NTNG1: variants seen among roughly 807,000 people sequenced by gnomAD.
NTNG1 encodes the protein netrin G1.
In NTNG1, 16 loss-of-function variants were observed where a neutral mutation model predicts 54.0. That is an observed-to-expected ratio of 0.30 (90% confidence interval 0.20 to 0.45). NTNG1 has a LOEUF of 0.45. Among genes scored for constraint, NTNG1 ranks in the 20% least tolerant of loss-of-function variants. The pLI, the probability that NTNG1 is intolerant of heterozygous loss-of-function variation, is 1.00. For synonymous variants in NTNG1, 255 were observed against 263.1 expected (o/e 0.97, Z 0.30); for missense variants, 530 against 678.7 (o/e 0.78, Z 2.43).
intron 2 of NTNG1, among the ~76,000 whole-genome samples, chr1:107,251,408 A>C (rs554196999): frequency 6.6e-6 from 1 of 152,198 alleles, no homozygotes; most frequent in South Asian, 2.1e-4. Flanking sequence ...TTTGGCTTTT[A>C]AACTTTTTTT....
intron 3 of NTNG1, among the ~76,000 whole-genome samples, chr1:107,382,189 G>A (rs1335665979): frequency 1.3e-5 from 2 of 152,162 alleles, no homozygotes; most frequent in Non-Finnish European, 2.9e-5. Context: ...AGGTATTGGG[G>A]TGTGCAAAAG....
chr1:107,457,358 A>G (rs1677012207), intron 7 of NTNG1, among the ~76,000 whole-genome samples: 1 of 152,256 alleles, frequency 6.6e-6, no homozygotes, highest in African/African-American at 2.4e-5. Context: ...GCAATGCATT[A>G]GAATTCCATT....
At chr1:107,216,680 T>C (rs951408244) in intron 2 of NTNG1, among the ~76,000 whole-genome samples, 1 of 151,808 alleles carries the variant, frequency 6.6e-6, no homozygotes, top group Non-Finnish European at 1.5e-5. Context: ...TTAAGGAGGA[T>C]TCCCTCTTTT....
In NTNG1 at chr1:107,480,876, G is replaced by A. The variant is rs751736579; in HGVS notation, c.*36G>A. ...CAGCCACACCGGACGGGCCTGTGCC[G>A]TGGGGAAGCAGACACAACCCAAACA... On this transcript the variant is annotated 3_prime_UTR_variant, in exon 8 of 8. Coordinates refer to ENST00000370068, the MANE Select transcript of NTNG1 (RefSeq NM_001113226.3). 472 of 1,487,242 alleles carry A rather than the reference G, an allele frequency of 3.2e-4. No individual in the cohort carries two copies. The highest frequency in any genetic ancestry group is 4.2e-4 in the Non-Finnish European group (460 of 1,092,392). 92.1% of individuals were successfully genotyped at this position (1,487,242 alleles called of 1,614,324 possible). A position where few individuals can be genotyped will look rare whatever the true frequency, so the allele number is the denominator to read the frequency against.
intron 2 of NTNG1, among the ~76,000 whole-genome samples, chr1:107,301,319 G>A (rs1040153484): frequency 6.8e-5 from 10 of 147,988 alleles, no homozygotes; most frequent in Non-Finnish European, 1.5e-4. Flanking sequence ...TACTATAGGA[G>A]GCTAAAATTA....
At chr1:107,355,110 T>A (rs1669859181) in intron 3 of NTNG1, among the ~76,000 whole-genome samples, 1 of 152,134 alleles carries the variant, frequency 6.6e-6, no homozygotes, top group Admixed American at 6.5e-5. Flanking sequence ...TAGTTTTCTT[T>A]TTTTCTTTTA....
chr1:107,259,865 A>G (rs975462838), intron 2 of NTNG1, among the ~76,000 whole-genome samples: 2 of 152,136 alleles, frequency 1.3e-5, no homozygotes, highest in Non-Finnish European at 2.9e-5. Flanking sequence ...AGTTTTCTGT[A>G]TATCTTGGGT....
chr1:107,323,995 G>A (rs1667799993), intron 2 of NTNG1, among the ~76,000 whole-genome samples: 1 of 151,948 alleles, frequency 6.6e-6, no homozygotes, highest in Admixed American at 6.6e-5. Flanking sequence ...ACAGTTGCTC[G>A]GTGCCTTCGT....
At chr1:107,388,880 T>A (rs1445787015) in intron 3 of NTNG1, among the ~76,000 whole-genome samples, 1 of 152,218 alleles carries the variant, frequency 6.6e-6, no homozygotes, top group Non-Finnish European at 1.5e-5. Flanking sequence ...TGAGAGGCAC[T>A]GTATAATGTA....
chr1:107,345,943 C>T (rs1669195499), intron 3 of NTNG1, among the ~76,000 whole-genome samples: 1 of 152,032 alleles, frequency 6.6e-6, no homozygotes, highest in South Asian at 2.1e-4. Flanking sequence ...AATCTATTTT[C>T]TGAGAAGGGA....
chr1:107,326,511 A>G (rs900252033), intron 3 of NTNG1, among the ~76,000 whole-genome samples: 3 of 152,142 alleles, frequency 2.0e-5, no homozygotes, highest in African/African-American at 7.2e-5. Flanking sequence ...GAAGTATGAT[A>G]TATGAAAATA....
intron 3 of NTNG1, among the ~76,000 whole-genome samples, chr1:107,366,460 T>C (rs1229043198): frequency 6.6e-6 from 1 of 152,224 alleles, no homozygotes; most frequent in Non-Finnish European, 1.5e-5. Context: ...ACCTGGAAAT[T>C]CGTAGCTAAA....
intron 2 of NTNG1, among the ~76,000 whole-genome samples, chr1:107,155,538 A>G (rs1293856186): frequency 6.6e-6 from 1 of 152,086 alleles, no homozygotes; most frequent in African/African-American, 2.4e-5. Context: ...TTAGCACCTC[A>G]TTAGATCTTA....
intron 2 of NTNG1, among the ~76,000 whole-genome samples, chr1:107,217,454 A>G (rs539749327): frequency 6.6e-6 from 1 of 151,904 alleles, no homozygotes; most frequent in Non-Finnish European, 1.5e-5. Context: ...AATTTCATTT[A>G]GTTCTGCTCT....
At chr1:107,280,613 T>C (rs1232007839) in intron 2 of NTNG1, among the ~76,000 whole-genome samples, 2 of 150,856 alleles carry the variant, frequency 1.3e-5, no homozygotes, top group Non-Finnish European at 3.0e-5. Flanking sequence ...CTTTTTTTTT[T>C]TTTTTGGCCA....
chr1:107,264,050 G>T (rs1422244891), intron 2 of NTNG1, among the ~76,000 whole-genome samples: 1 of 152,084 alleles, frequency 6.6e-6, no homozygotes, highest in African/African-American at 2.4e-5. Context: ...GTCAGTAGAT[G>T]ACAGGAGATT....
Position 107,148,190 on chromosome 1 carries a change from C to A in NTNG1, c.-404C>A. On this transcript the variant is annotated 5_prime_UTR_variant, in exon 2 of 8. Coordinates refer to ENST00000370068, the MANE Select transcript of NTNG1 (RefSeq NM_001113226.3). ...TTGAGCATCCCTTGTGAGCTGTGAA[C>A]ATTGAGGATCACTCAGGGTTATCGG... The A allele has an allele frequency of 6.0e-6, 1 of 167,602 alleles. No homozygotes were observed. Among genetic ancestry groups the A allele is most frequent in the Admixed American group, 5.7e-5 (1 of 17,426 alleles). The allele number at this position is 167,602 out of a possible 1,614,324, so 10.4% of individuals were successfully genotyped here.
chr1:107,315,781 C>T (rs1221218195), intron 2 of NTNG1, among the ~76,000 whole-genome samples: 1 of 152,072 alleles, frequency 6.6e-6, no homozygotes, highest in Non-Finnish European at 1.5e-5. Context: ...TCCAACTAAC[C>T]TGTAAATGAA....
At chr1:107,467,938 C>T (rs1677711756) in intron 7 of NTNG1, among the ~76,000 whole-genome samples, 1 of 152,154 alleles carries the variant, frequency 6.6e-6, no homozygotes, top group East Asian at 1.9e-4. Flanking sequence ...TTTTCCTCAC[C>T]TTGAATTTAT....
Sources: gnomAD v4.1 joint callset for allele counts (sites outside exome capture counted in the v4.1 genomes callset) on GRCh38, gnomAD v4.1.1 for gene constraint, MANE v1.5 for transcripts, NCBI Gene and HGNC (gene_info 2026-07-23, HGNC 2026-07-21) for gene names.